SFMBT1: variants seen among roughly 807,000 people sequenced by gnomAD.
The protein encoded by SFMBT1 is scm-like with four MBT domains protein 1.
Under a neutral mutation model 108.7 loss-of-function variants are expected in SFMBT1, and 32 were observed. The observed-to-expected ratio is 0.29, with a 90% CI of 0.22 to 0.40. The LOEUF is 0.40. Ranked by LOEUF, SFMBT1 falls within the 10% of genes least tolerant of loss-of-function variation. SFMBT1 has a pLI of 1.00. For synonymous variants in SFMBT1, 348 were observed against 369.5 expected (o/e 0.94, Z 0.67); for missense variants, 816 against 1,059.6 (o/e 0.77, Z 3.19).
At chr3:52,924,195 T>C (rs577616273) in intron 10 of SFMBT1, among the ~76,000 whole-genome samples, 1 of 152,210 alleles carries the variant, frequency 6.6e-6, no homozygotes, top group East Asian at 1.9e-4. Context: ...TTGTACCCTG[T>C]TACAGGAAGG....
At chr3:52,941,593 CAAAAAAAAAAA>C (rs145581859) in intron 4 of SFMBT1, among the ~76,000 whole-genome samples, 5 of 64,034 alleles carry the variant, frequency 7.8e-5, no homozygotes, top group South Asian at 1.1e-3. Flanking sequence ...GACTCTGTTT[CAAAAAAAAAAA>C]AAAAAAAAAA....
intron 1 of SFMBT1, among the ~76,000 whole-genome samples, chr3:52,991,517 G>GT (rs58133068): frequency 0.021 from 3,237 of 151,942 alleles, 131 homozygotes; most frequent in African/African-American, 0.074. Flanking sequence ...GCTAATTTTT[G>GT]TATCTTTAGT....
At chr3:53,040,805 TTTTTTG>T (rs1420237060) in intron 1 of SFMBT1, among the ~76,000 whole-genome samples, 1 of 151,506 alleles carries the variant, frequency 6.6e-6, no homozygotes, top group East Asian at 1.9e-4. Flanking sequence ...GACTACTTTT[TTTTTTG>T]TTTTTATTTA....
rs11386672 is a variant in SFMBT1, at chr3:53,031,596, T to TAA, written c.-131+14218_-131+14219dup. 2.9e-3 allele frequency among the ~76,000 whole-genome samples: 423 copies of TAA among 147,422 alleles called. 1 individual carries two copies. Among genetic ancestry groups the TAA allele is most frequent in the Middle Eastern group, 7.0e-3 (2 of 284 alleles). On this transcript the variant is annotated intron_variant, in intron 1 of 20. Transcript: ENST00000394752. ...ATTCAGAACTAAAACTATAACACTGTAAAAAAAAAAAAGTGTCCAGGGATA... is the reference window on the plus strand; with the variant it reads ...ATTCAGAACTAAAACTATAACACTGTAAAAAAAAAAAAAAGTGTCCAGGGATA...
intron 1 of SFMBT1, among the ~76,000 whole-genome samples, chr3:53,029,476 A>G (rs1191613100): frequency 3.3e-5 from 5 of 152,220 alleles, no homozygotes; most frequent in Admixed American, 3.3e-4. Flanking sequence ...GAACAGGAGC[A>G]GCATTTTTAA....
At chr3:52,954,292 T>C (rs1327707526) in intron 3 of SFMBT1, 25 bp downstream of exon 3, 1 of 1,518,496 alleles carries the variant, frequency 6.6e-7, no homozygotes, top group Non-Finnish European at 9.1e-7. Flanking sequence ...ATAACACCAG[T>C]AAGGCAAATA....
chr3:53,023,491 A>G (rs193115861), intron 1 of SFMBT1, among the ~76,000 whole-genome samples: 1 of 152,360 alleles, frequency 6.6e-6, no homozygotes, highest in African/African-American at 2.4e-5. Context: ...TTTGTTCTAC[A>G]TCTAAATTTA....
intron 3 of SFMBT1, among the ~76,000 whole-genome samples, chr3:52,949,568 CTTTTTTTTTTTTTTTT>C (rs59842273): frequency 2.6e-5 from 2 of 77,388 alleles, no homozygotes; most frequent in African/African-American, 5.7e-5. Flanking sequence ...TAATGTCCTT[CTTTTTTTTTTTTTTTT>C]TTTTTTTTTT....
chr3:53,015,553 T>A (rs138752194), intron 1 of SFMBT1, among the ~76,000 whole-genome samples: 1 of 152,104 alleles, frequency 6.6e-6, no homozygotes, highest in Non-Finnish European at 1.5e-5. Flanking sequence ...AACTGATGAG[T>A]AGATAAATAA....
chr3:52,934,572 T>C (rs2106800456), intron 5 of SFMBT1, among the ~76,000 whole-genome samples: 1 of 152,264 alleles, frequency 6.6e-6, no homozygotes, highest in South Asian at 2.1e-4. Flanking sequence ...TCCAACTGTA[T>C]AAAAGAATCT....
Position 52,960,616 on chromosome 3 carries a change from GATCT to G in SFMBT1, c.29-6209_29-6206del, listed in dbSNP as rs35638922. Among the ~76,000 whole-genome samples, 320 of 150,706 alleles carry G rather than the reference GATCT, an allele frequency of 2.1e-3. 1 individual carries two copies. Among genetic ancestry groups the G allele is most frequent in the African/African-American group, 6.9e-3 (282 of 41,138 alleles). On this transcript the variant is annotated intron_variant, in intron 2 of 20. Transcript: ENST00000394752. ...CTCAAAATATTTTTAATTATCATAT[GATCT>G]ATCTATCTATCTATCTCTCTATCTA...
At position 52,969,231 on chromosome 3, in the gene SFMBT1, T is replaced by C; in HGVS notation, c.-103A>G. On this transcript the variant is annotated 5_prime_UTR_variant, in exon 2 of 21. Coordinates refer to ENST00000394752, the MANE Select transcript of SFMBT1 (RefSeq NM_016329.4). ...TTGCAGGTTTCAAGCATCTGTTCAA[T>C]GGGTATCCACGGGTCCAAATGAAAG... 6.3e-7 allele frequency: 1 copy of C among 1,579,034 alleles called. No homozygotes were observed.
intron 9 of SFMBT1, among the ~76,000 whole-genome samples, chr3:52,927,690 C>T (rs1346396343): frequency 6.6e-6 from 1 of 152,130 alleles, no homozygotes; most frequent in Non-Finnish European, 1.5e-5. Flanking sequence ...TTTTATTTTC[C>T]TACCTACTCC....
intron 10 of SFMBT1, among the ~76,000 whole-genome samples, chr3:52,924,181 T>C (rs913058456): frequency 6.6e-6 from 1 of 152,054 alleles, no homozygotes; most frequent in Non-Finnish European, 1.5e-5. Context: ...AAAATTTACT[T>C]CCCTTGTACC....
In SFMBT1 at chr3:52,934,464, A is replaced by C. The variant is rs548516140; in HGVS notation, c.453+349T>G. On this transcript the variant is annotated intron_variant, in intron 5 of 20. Coordinates refer to ENST00000394752, the MANE Select transcript of SFMBT1 (RefSeq NM_016329.4). ...AAAAAAAAAAGGGTGGGTTGGGGGGACTCCAAGTCACCTGGTGTGGGAGTT... is the reference window on the plus strand; with the variant it reads ...AAAAAAAAAAGGGTGGGTTGGGGGGCCTCCAAGTCACCTGGTGTGGGAGTT... 2.6e-3 allele frequency among the ~76,000 whole-genome samples: 377 copies of C among 143,978 alleles called. 2 individuals are homozygous for C. The highest frequency in any genetic ancestry group is 2.1e-3 in the Non-Finnish European group (136 of 66,186). 94.5% of individuals were successfully genotyped at this position (143,978 alleles called of 152,430 possible).
intron 8 of SFMBT1, among the ~76,000 whole-genome samples, chr3:52,928,998 C>A (rs1702775008): frequency 6.6e-6 from 1 of 152,012 alleles, no homozygotes; most frequent in Non-Finnish European, 1.5e-5. Context: ...AGCCACCACA[C>A]CTGGCCCAAG....
At chr3:52,972,744 AACACACACACAC>A (rs55859723) in intron 1 of SFMBT1, among the ~76,000 whole-genome samples, 54 of 95,138 alleles carry the variant, frequency 5.7e-4, no homozygotes, top group East Asian at 2.9e-3. Flanking sequence ...ATCTCTACTA[AACACACACACAC>A]ACACACACAC....
chr3:52,919,178 TA>T (rs909237677), intron 12 of SFMBT1, among the ~76,000 whole-genome samples: 1 of 152,024 alleles, frequency 6.6e-6, no homozygotes, highest in African/African-American at 2.4e-5. Context: ...GATCTAAACA[TA>T]AATGTAAGGG....
At position 52,907,114 on chromosome 3, in the gene SFMBT1, G is replaced by A. The variant is rs780096086; in HGVS notation, c.2286C>T (p.Arg762=). 4 of 1,614,166 alleles carry A rather than the reference G, an allele frequency of 2.5e-6. No individual in the cohort carries two copies. The highest frequency in any genetic ancestry group is 1.7e-6 in the Non-Finnish European group (2 of 1,180,016). ...PDRQRRKREL[R]TFSFSDDENK... is the part of the protein sequence containing the mutation. ...TTTCATCGTCAGAAAATGAAAAGGT[G>A]CGAAGCTCCCTTTTTCTCCTTTGTC... Residue 762 remains arginine, a synonymous_variant, in exon 19 of 21, where the codon CGC becomes CGT. Transcript: ENST00000394752.
Sources: allele counts gnomAD v4.1 joint callset (sites outside exome capture counted in the v4.1 genomes callset), GRCh38; gene constraint gnomAD v4.1.1; transcripts MANE v1.5; gene names NCBI Gene and HGNC (gene_info 2026-07-23, HGNC 2026-07-21).